The following ADAMTS17 variants were observed in gnomAD, a reference collection of about 807,000 sequenced individuals.
ADAMTS17 encodes A disintegrin and metalloproteinase with thrombospondin motifs 17.
In ADAMTS17, 113 loss-of-function variants were observed where a neutral mutation model predicts 141.5. The observed-to-expected ratio is 0.80, with a 90% CI of 0.69 to 0.93. The LOEUF (loss-of-function observed/expected upper bound fraction) is 0.93, where lower values mean the gene tolerates loss of function less well. ADAMTS17 is among the 40% of genes least tolerant of loss of function. ADAMTS17 has a pLI of 0.00. For missense variants in ADAMTS17, 1,659 were observed against 1,517.9 expected (o/e 1.09, Z -1.54); for synonymous variants, 768 against 630.6 (o/e 1.22, Z -3.27).
In ADAMTS17 at chr15:100,330,893, T is replaced by C. The variant is rs776334059; in HGVS notation, c.612A>G (p.Leu204=). The change falls in exon 3 of 22, where the codon CTA becomes CTG. Residue 204 remains leucine (L), a synonymous_variant. Transcript: ENST00000268070. ...CATGCTGCTGCCCCGACTCACCTGTTAGAACCTTGCAGAGCTGCTCAGGTC... is the reference window on the plus strand; with the variant it reads ...CATGCTGCTGCCCCGACTCACCTGTCAGAACCTTGCAGAGCTGCTCAGGTC... ...AQRPEQLCKV[L]TEKKKPTWGR... 3 of 1,614,162 alleles carry C rather than the reference T, an allele frequency of 1.9e-6. No individual in the cohort carries two copies. Among genetic ancestry groups the C allele is most frequent in the Admixed American group, 3.3e-5 (2 of 60,030 alleles).
chr15:100,040,307 G>T (rs1160247456), intron 18 of ADAMTS17, among the ~76,000 whole-genome samples: 27 of 152,190 alleles, frequency 1.8e-4, no homozygotes, highest in Admixed American at 1.8e-3. Flanking sequence ...TTCTTCTGTG[G>T]GCTGATGTTT....
chr15:100,275,820 GC>G (rs2044061792), intron 4 of ADAMTS17, among the ~76,000 whole-genome samples: 1 of 151,344 alleles, frequency 6.6e-6, no homozygotes, highest in South Asian at 2.1e-4. Flanking sequence ...ACCATGAGAT[GC>G]TATGAAACCC....
chr15:100,143,247 A>G (rs913173268), intron 10 of ADAMTS17, among the ~76,000 whole-genome samples: 1 of 152,206 alleles, frequency 6.6e-6, no homozygotes. Flanking sequence ...TCTAGCAGCA[A>G]TACACACTCT....
At position 99,973,908 on chromosome 15, in the gene ADAMTS17, A is replaced by T; in HGVS notation, c.*494T>A. 4.4e-6 allele frequency: 1 copy of T among 227,418 alleles called. No homozygotes were observed. Among genetic ancestry groups the T allele is most frequent in the Non-Finnish European group, 8.8e-6 (1 of 113,592 alleles). 14.1% of individuals were successfully genotyped at this position (227,418 alleles called of 1,614,324 possible). A position where few individuals can be genotyped will look rare whatever the true frequency, so the allele number is the denominator to read the frequency against. On this transcript the variant is annotated 3_prime_UTR_variant, in exon 22 of 22. Transcript: ENST00000268070. ...AGGTAGATGGAGAGAAACGTGTGCT[A>T]AGCAGCCCGGCCCTCCCCAGAGAAG...
At chr15:99,990,410 A>G (rs1006668406) in intron 20 of ADAMTS17, among the ~76,000 whole-genome samples, 2 of 152,140 alleles carry the variant, frequency 1.3e-5, no homozygotes, top group African/African-American at 4.8e-5. Context: ...TGGCAGCTCC[A>G]TACTAAGCTT....
intron 6 of ADAMTS17, among the ~76,000 whole-genome samples, chr15:100,258,661 T>TCACC (rs548428440): frequency 0.42 from 35,432 of 83,850 alleles, 4,408 homozygotes; most frequent in African/African-American, 0.54. Context: ...CACGATTCTA[T>TCACC]TGGTCCCTCC....
rs2060246277 is a variant in ADAMTS17, at chr15:99,973,144, T to G, written c.*1258A>C. ...CACTCTGCTTGTCTGCTGCCAGGCG[T>G]AAGGGGGCTGCAGGGGGGAAGGACC... On this transcript the variant is annotated 3_prime_UTR_variant, in exon 22 of 22. Coordinates refer to ENST00000268070, the MANE Select transcript of ADAMTS17 (RefSeq NM_139057.4). 7.4e-6 allele frequency: 1 copy of G among 134,258 alleles called. No individual in the cohort carries two copies. The highest frequency in any genetic ancestry group is 2.8e-5 in the African/African-American group (1 of 35,816). The allele number at this position is 134,258 out of a possible 1,614,324, so 8.3% of individuals were successfully genotyped here. A position where few individuals can be genotyped will look rare whatever the true frequency, so the allele number is the denominator to read the frequency against.
intron 15 of ADAMTS17, among the ~76,000 whole-genome samples, chr15:100,087,190 C>T (rs1340728989): frequency 6.6e-6 from 1 of 152,078 alleles, no homozygotes; most frequent in Non-Finnish European, 1.5e-5. Flanking sequence ...ATACAAACTA[C>T]CATCATATCT....
intron 18 of ADAMTS17, among the ~76,000 whole-genome samples, chr15:100,025,178 A>G (rs1199662941): frequency 6.6e-6 from 1 of 152,188 alleles, no homozygotes; most frequent in Non-Finnish European, 1.5e-5. Context: ...TATTTTCATT[A>G]TAAATTAAGA....
At chr15:100,157,117 T>C (rs528579900) in intron 8 of ADAMTS17, among the ~76,000 whole-genome samples, 40 of 152,196 alleles carry the variant, frequency 2.6e-4, no homozygotes, top group African/African-American at 8.7e-4. Flanking sequence ...ACCCATCAGA[T>C]CTTGTGAGAA....
intron 3 of ADAMTS17, among the ~76,000 whole-genome samples, chr15:100,311,299 G>A (rs943960156): frequency 2.0e-5 from 3 of 152,016 alleles, no homozygotes; most frequent in African/African-American, 4.8e-5. Context: ...CACCCCCACC[G>A]CCCCCTGCAA....
Position 99,997,507 on chromosome 15 carries a change from G to A in ADAMTS17, c.2674C>T (p.Leu892=), listed in dbSNP as rs757978096. The A allele has an allele frequency of 6.2e-7, 1 of 1,613,692 alleles. No homozygotes were observed. The highest frequency in any genetic ancestry group is 8.5e-7 in the Non-Finnish European group (1 of 1,180,020). The change falls in exon 19 of 22, where the codon CTG becomes TTG. Residue 892 remains leucine (L), a synonymous_variant. Coordinates refer to ENST00000268070, the MANE Select transcript of ADAMTS17 (RefSeq NM_139057.4). This position sits in a 1 kb window ranked among gnomAD's most constrained non-coding sequence, Gnocchi z 4.7. ...QHREVTCVYQ[L]QNGTHVATRP... ...GTAGCGACGTGTGTGCCGTTCTGCA[G>A]CTGGTACACGCAGGTCACCTCCCGG...
In ADAMTS17 at chr15:100,341,318, G is replaced by T; in HGVS notation, c.171C>A (p.Pro57=). 4.8e-6 allele frequency: 5 copies of T among 1,037,806 alleles called. No homozygotes were observed. The highest frequency in any genetic ancestry group is 5.8e-6 in the Non-Finnish European group (5 of 866,340). The allele number at this position is 1,037,806 out of a possible 1,614,324, so 64.3% of individuals were successfully genotyped here. A position where few individuals can be genotyped will look rare whatever the true frequency, so the allele number is the denominator to read the frequency against. The part of the protein sequence containing the change: ...DVHLPPLPAA[P]GPRRRRRPRT... ...GGGGGCGTCGCCGCCGTCGGGGCCC[G>T]GGGGCTGCGGGCAGCGGCGGCAGGT... Residue 57 remains proline (P), a synonymous_variant, in exon 2 of 22, where the codon CCC becomes CCA. Coordinates refer to ENST00000268070, the MANE Select transcript of ADAMTS17 (RefSeq NM_139057.4).
intron 8 of ADAMTS17, among the ~76,000 whole-genome samples, chr15:100,172,305 G>C (rs1179238213): frequency 1.3e-5 from 2 of 152,164 alleles, no homozygotes; most frequent in African/African-American, 4.8e-5. Context: ...GGTTCCAGGT[G>C]ATTCTCATGT....
At chr15:100,210,714 C>T (rs1181507118) in intron 7 of ADAMTS17, among the ~76,000 whole-genome samples, 1 of 152,190 alleles carries the variant, frequency 6.6e-6, no homozygotes, top group African/African-American at 2.4e-5. Flanking sequence ...GCCTGTAATC[C>T]CAGCACCATG....
chr15:100,328,701 G>A (rs1217481079), intron 3 of ADAMTS17, among the ~76,000 whole-genome samples: 2 of 152,104 alleles, frequency 1.3e-5, no homozygotes, highest in Non-Finnish European at 2.9e-5. Flanking sequence ...TCTCCTTAGG[G>A]ACAAAAATGC....
intron 3 of ADAMTS17, among the ~76,000 whole-genome samples, chr15:100,288,648 C>A (rs1422103401): frequency 6.6e-6 from 1 of 152,228 alleles, no homozygotes; most frequent in Non-Finnish European, 1.5e-5. Flanking sequence ...TCACAAAAAA[C>A]CCAAAATTAT....
rs571570074 is a variant in ADAMTS17, at chr15:100,099,276, G to C, written c.2017-2800C>G. ...AGGGAATGCAGGGCTGTCCATGTCT[G>C]AACAGCAGTGACTCTAAATGCTGAC... is the stretch of plus-strand genomic sequence containing the variant. On this transcript the variant is annotated intron_variant, in intron 14 of 21. Transcript: ENST00000268070. Among the ~76,000 whole-genome samples the C allele has an allele frequency of 3.9e-5, 6 of 152,322 alleles. No homozygotes were observed. The East Asian group carries it at 1.2e-3, about 29-fold the overall frequency.
Position 99,971,613 on chromosome 15 carries a change from T to G in ADAMTS17, c.*2789A>C, listed in dbSNP as rs2141244474. 1 of 152,268 alleles carries G rather than the reference T, an allele frequency of 6.6e-6. No homozygotes were observed. The highest frequency in any genetic ancestry group is 1.9e-4 in the East Asian group (1 of 5,180). The allele number at this position is 152,268 out of a possible 1,614,324, so 9.4% of individuals were successfully genotyped here. A position where few individuals can be genotyped will look rare whatever the true frequency, so the allele number is the denominator to read the frequency against. Reference sequence around the variant, plus strand: ...CCATGGGTACAGTATGTAATGCAAGTTAACGAATGGAAAATAGATACATTT... The same window carrying G: ...CCATGGGTACAGTATGTAATGCAAGGTAACGAATGGAAAATAGATACATTT... On this transcript the variant is annotated 3_prime_UTR_variant, in exon 22 of 22. Transcript: ENST00000268070.
Sources: gnomAD v4.1 joint callset for allele counts (sites outside exome capture counted in the v4.1 genomes callset) on GRCh38, gnomAD v4.1.1 for gene constraint, Gnocchi (gnomAD v3.1) non-coding constraint, MANE v1.5 for transcripts, NCBI Gene and HGNC (gene_info 2026-07-23, HGNC 2026-07-21) for gene names.